The following AGBL4 variants were observed in gnomAD, a reference collection of about 807,000 sequenced individuals.
AGBL4 encodes the protein AGBL carboxypeptidase 4, also known as cytosolic carboxypeptidase 6.
AGBL4 carries 58 observed loss-of-function variants against 66.4 expected under a neutral mutation model. That is an observed-to-expected ratio of 0.87 (90% CI 0.71 to 1.09). The LOEUF is 1.09. Ranked by LOEUF, AGBL4 falls within the 50% of genes least tolerant of loss-of-function variation. The pLI is 0.00. For synonymous variants in AGBL4, 234 were observed against 222.9 expected (o/e 1.05, Z -0.44); for missense variants, 579 against 631.0 (o/e 0.92, Z 0.88).
At chr1:49,029,367 G>A (rs1227124241) in intron 5 of AGBL4, among the ~76,000 whole-genome samples, 1 of 152,054 alleles carries the variant, frequency 6.6e-6, no homozygotes. Context: ...AAAGGTTGCA[G>A]AATGAAAATG....
chr1:48,835,909 GGAGGAATAT>G (rs1020885454), intron 6 of AGBL4, among the ~76,000 whole-genome samples: 20 of 152,052 alleles, frequency 1.3e-4, no homozygotes, highest in Non-Finnish European at 2.2e-4. Flanking sequence ...CTGGGGCAGA[GGAGGAATAT>G]GAGATAAGGC....
chr1:49,245,183 A>G (rs1651539234), intron 4 of AGBL4, among the ~76,000 whole-genome samples: 1 of 151,046 alleles, frequency 6.6e-6, no homozygotes, highest in African/African-American at 2.4e-5. Context: ...TACCATCATT[A>G]TTACAATTAT....
intron 3 of AGBL4, among the ~76,000 whole-genome samples, chr1:49,379,081 A>T (rs1031185952): frequency 2.0e-5 from 3 of 152,130 alleles, no homozygotes; most frequent in African/African-American, 2.4e-5. Context: ...CGAAATTTGT[A>T]TGCCCTAGTA....
intron 4 of AGBL4, among the ~76,000 whole-genome samples, chr1:49,124,484 G>T (rs1158592676): frequency 3.3e-5 from 5 of 152,152 alleles, no homozygotes; most frequent in Non-Finnish European, 7.4e-5. Context: ...TGCCAACCCT[G>T]ACCGTAGCAC....
chr1:49,660,846 C>T (rs1269122588), intron 3 of AGBL4, among the ~76,000 whole-genome samples: 1 of 151,892 alleles, frequency 6.6e-6, no homozygotes, highest in Non-Finnish European at 1.5e-5. Flanking sequence ...CAAACTAACA[C>T]AGGAACAGAA....
intron 5 of AGBL4, among the ~76,000 whole-genome samples, chr1:48,904,380 T>A (rs1031206886): frequency 6.6e-6 from 1 of 152,212 alleles, no homozygotes; most frequent in African/African-American, 2.4e-5. Flanking sequence ...TGCATGGCCA[T>A]GGGTTGCTGT....
chr1:49,497,190 T>A (rs920870214), intron 3 of AGBL4, among the ~76,000 whole-genome samples: 2 of 152,026 alleles, frequency 1.3e-5, no homozygotes, highest in African/African-American at 4.8e-5. Context: ...AAATGTCTAA[T>A]AGTACCTTTG....
intron 1 of AGBL4, among the ~76,000 whole-genome samples, chr1:50,009,692 C>T (rs1312715572): frequency 6.7e-6 from 1 of 148,890 alleles, no homozygotes; most frequent in Non-Finnish European, 1.5e-5. Context: ...AAAAAAAGGG[C>T]ATCCAAATTG....
chr1:49,230,614 A>T (rs1428445837), intron 4 of AGBL4, among the ~76,000 whole-genome samples: 1 of 152,212 alleles, frequency 6.6e-6, no homozygotes, highest in Non-Finnish European at 1.5e-5. Context: ...TTGGGGTTTC[A>T]GTTGCACTAA....
intron 1 of AGBL4, among the ~76,000 whole-genome samples, chr1:49,938,035 G>C (rs142822899): frequency 0.064 from 9,230 of 143,368 alleles, 437 homozygotes; most frequent in African/African-American, 0.12. Context: ...AAAAGCCCTT[G>C]AAAAAATTAA....
chr1:49,825,315 A>G (rs902978542), intron 2 of AGBL4, among the ~76,000 whole-genome samples: 25 of 152,248 alleles, frequency 1.6e-4, no homozygotes, highest in Admixed American at 9.2e-4. Context: ...GGAATAGGAC[A>G]CAAGAAGAAG....
At position 49,157,798 on chromosome 1, in the gene AGBL4, T is replaced by G. The variant is rs570822436; in HGVS notation, c.377+87972A>C. On this transcript the variant is annotated intron_variant, in intron 4 of 13. Coordinates refer to ENST00000371839, the MANE Select transcript of AGBL4 (RefSeq NM_032785.4). ...TAACTGGCATGAGATGGTATCTCAT[T>G]GTGGTTTTGATTTGCATTTCTCTAA... Among the ~76,000 whole-genome samples the G allele has an allele frequency of 1.1e-3, 162 of 152,336 alleles. 1 individual carries two copies. Among genetic ancestry groups the G allele is most frequent in the Non-Finnish European group, 6.8e-4 (46 of 68,026 alleles).
chr1:49,027,812 A>T (rs974842954), intron 5 of AGBL4, among the ~76,000 whole-genome samples: 1 of 152,124 alleles, frequency 6.6e-6, no homozygotes. Flanking sequence ...TTAGAAGCCA[A>T]ATGCCCTCGG....
intron 2 of AGBL4, among the ~76,000 whole-genome samples, chr1:49,754,765 T>C (rs914058079): frequency 2.6e-5 from 4 of 152,186 alleles, no homozygotes; most frequent in East Asian, 1.9e-4. Flanking sequence ...AGCAGGAACA[T>C]TTAAGTCTGC....
intron 5 of AGBL4, among the ~76,000 whole-genome samples, chr1:48,937,172 C>T (rs1329684125): frequency 6.6e-6 from 1 of 152,154 alleles, no homozygotes; most frequent in Non-Finnish European, 1.5e-5. Flanking sequence ...ATTAAAGCTG[C>T]CTGCAGAAAG....
intron 3 of AGBL4, among the ~76,000 whole-genome samples, chr1:49,577,981 C>T (rs1479546496): frequency 6.6e-6 from 1 of 152,154 alleles, no homozygotes; most frequent in Non-Finnish European, 1.5e-5. Context: ...CACCATCACC[C>T]CAGTGATCCA....
intron 5 of AGBL4, among the ~76,000 whole-genome samples, chr1:48,962,320 T>G (rs1256556829): frequency 6.6e-6 from 1 of 152,190 alleles, no homozygotes; most frequent in Admixed American, 6.5e-5. Flanking sequence ...TCACAAGAAA[T>G]TACATGCTAG....
intron 11 of AGBL4, among the ~76,000 whole-genome samples, chr1:48,545,508 T>C (rs1644144827): frequency 6.6e-6 from 1 of 152,164 alleles, no homozygotes; most frequent in Non-Finnish European, 1.5e-5. Flanking sequence ...GCAATAATTC[T>C]CTTGGCTGGA....
chr1:49,875,484 A>G (rs1182665537), intron 1 of AGBL4, among the ~76,000 whole-genome samples: 1 of 143,404 alleles, frequency 7.0e-6, no homozygotes, highest in Non-Finnish European at 1.5e-5. Context: ...AAGGACATGA[A>G]CTCATCATTT....
Sources: gnomAD v4.1 joint callset for allele counts (sites outside exome capture counted in the v4.1 genomes callset) on GRCh38, gnomAD v4.1.1 for gene constraint, MANE v1.5 for transcripts, NCBI Gene and HGNC (gene_info 2026-07-23, HGNC 2026-07-21) for gene names.